Variants in CTPS2 observed in about 807,000 individuals in gnomAD.
The protein encoded by CTPS2 is CTP synthase 2.
A neutral mutation model predicts 46.8 loss-of-function variants in CTPS2; 19 were observed. The ratio of observed to expected loss-of-function variants is 0.41; its 90% CI spans 0.28 to 0.60. CTPS2 has a LOEUF of 0.60. CTPS2 is among the 20% of genes least tolerant of loss of function. The probability of loss-of-function intolerance (pLI) is 0.35; values close to 1 mark genes in which losing one functional copy is unlikely to be tolerated. For synonymous variants in CTPS2, 151 were observed against 165.2 expected (o/e 0.91, Z 0.66); for missense variants, 286 against 447.6 (o/e 0.64, Z 3.26).
chrX:16,702,683 G>C (rs1229572897), intron 2 of CTPS2, 54 bp downstream of exon 2: 1 of 1,082,648 alleles, frequency 9.2e-7, no homozygotes, highest in Non-Finnish European at 1.3e-6. Context: ...CAAAATGGAA[G>C]AAAGAATGCA....
At chrX:16,654,342 T>C (rs1166353172) in intron 13 of CTPS2, 1 of 763,607 alleles carries the variant, frequency 1.3e-6, no homozygotes, top group African/African-American at 2.1e-5. Context: ...TCTGAGAATG[T>C]GTAGCAGTAA....
At chrX:16,641,466 G>A (rs1339403164) in intron 13 of CTPS2, among the ~76,000 whole-genome samples, 1 of 112,774 alleles carries the variant, frequency 8.9e-6, no homozygotes, top group Non-Finnish European at 1.9e-5. Flanking sequence ...AAGAACAGGA[G>A]GCCAGGTGCA....
intron 17 of CTPS2, among the ~76,000 whole-genome samples, chrX:16,594,636 G>A (rs1349729035): frequency 1.8e-5 from 2 of 111,739 alleles, no homozygotes; most frequent in East Asian, 2.8e-4. Context: ...GGACTTGGGC[G>A]GGCCTGTTTC....
At chrX:16,696,443 A>T (rs191082150) in intron 4 of CTPS2, among the ~76,000 whole-genome samples, 42 of 112,205 alleles carry the variant, frequency 3.7e-4, no homozygotes, top group Admixed American at 1.8e-3. Context: ...GTCAGATCAC[A>T]CTCAACCTCA....
At chrX:16,665,443 GAAAC>G (rs969387365) in intron 13 of CTPS2, among the ~76,000 whole-genome samples, 3 of 112,506 alleles carry the variant, frequency 2.7e-5, no homozygotes, top group African/African-American at 9.7e-5. Flanking sequence ...GCAATAAAAA[GAAAC>G]AAAGTACTGA....
At chrX:16,603,434 A>AATAG (rs1357320600) in intron 17 of CTPS2, among the ~76,000 whole-genome samples, 1 of 107,693 alleles carries the variant, frequency 9.3e-6, no homozygotes, top group East Asian at 2.9e-4. Flanking sequence ...TAAATAAATA[A>AATAG]ATAAATAAAT....
rs753974293 is a variant in CTPS2, at chrX:16,588,851, C to T, written c.*966G>A. ...TTAATTCTATGTTACGTGAATTTCACGTCGATTAAAAAATATATATACAGG... is the reference window on the plus strand; with the variant it reads ...TTAATTCTATGTTACGTGAATTTCATGTCGATTAAAAAATATATATACAGG... On this transcript the variant is annotated 3_prime_UTR_variant, in exon 19 of 19. Transcript: ENST00000359276. 1 of 111,772 alleles carries T rather than the reference C, an allele frequency of 8.9e-6. No individual in the cohort carries two copies. Among genetic ancestry groups the T allele is most frequent in the Non-Finnish European group, 1.9e-5 (1 of 53,205 alleles). The allele number at this position is 111,772 out of a possible 1,213,427, so 9.2% of individuals were successfully genotyped here.
chrX:16,663,763 G>A (rs944986789), intron 13 of CTPS2, among the ~76,000 whole-genome samples: 12 of 111,681 alleles, frequency 1.1e-4, no homozygotes, highest in Non-Finnish European at 1.1e-4. Flanking sequence ...CCGAAGTGAG[G>A]TGGGGGCAAA....
At chrX:16,656,656 C>T (rs778120961) in intron 13 of CTPS2, among the ~76,000 whole-genome samples, 13 of 111,716 alleles carry the variant, frequency 1.2e-4, no homozygotes, top group Non-Finnish European at 1.7e-4. Context: ...CCTTGTGATC[C>T]GCTCGTCTCG....
intron 14 of CTPS2, among the ~76,000 whole-genome samples, chrX:16,636,117 A>G: frequency 8.9e-6 from 1 of 112,337 alleles, no homozygotes; most frequent in Non-Finnish European, 1.9e-5. Context: ...GAAAGGAGAC[A>G]GACCAGGCAT....
chrX:16,666,345 G>A (rs901355305), intron 13 of CTPS2, among the ~76,000 whole-genome samples: 3 of 111,782 alleles, frequency 2.7e-5, no homozygotes, highest in Non-Finnish European at 5.6e-5. Context: ...GAAGTTGTTG[G>A]TAACTGAGTT....
chrX:16,662,354 G>A (rs1340426944), intron 13 of CTPS2, among the ~76,000 whole-genome samples: 4 of 111,667 alleles, frequency 3.6e-5, no homozygotes, highest in Non-Finnish European at 7.5e-5. Context: ...GGCACTCTGA[G>A]ACGCAGAAAG....
intron 15 of CTPS2, among the ~76,000 whole-genome samples, chrX:16,619,183 G>T (rs1032108509): frequency 1.8e-5 from 2 of 111,931 alleles, no homozygotes; most frequent in Admixed American, 9.5e-5. Flanking sequence ...TGATTCCCAC[G>T]AGTCCTCCTT....
chrX:16,592,040 C>T (rs185045782), intron 17 of CTPS2, among the ~76,000 whole-genome samples: 1 of 110,915 alleles, frequency 9.0e-6, no homozygotes, highest in East Asian at 2.8e-4. Context: ...TCCCATAATA[C>T]TTACATTAAA....
Position 16,684,813 on chromosome X carries a change from G to A in CTPS2, c.873-1587C>T, listed in dbSNP as rs777866102. 4.5e-5 allele frequency among the ~76,000 whole-genome samples: 5 copies of A among 111,859 alleles called. No individual in the cohort carries two copies. In the South Asian group the frequency reaches 1.8e-3, roughly 41 times the overall value. On this transcript the variant is annotated intron_variant, in intron 8 of 18. Coordinates refer to ENST00000359276, the MANE Select transcript of CTPS2 (RefSeq NM_175859.3). ...CCATAAAGTATGCAGGTAACGGGCC[G>A]GGCGTGGTGACTCATGCCTGTAATC... is the stretch of plus-strand genomic sequence containing the variant.
intron 10 of CTPS2, among the ~76,000 whole-genome samples, chrX:16,671,505 C>CTTT (rs11323776): frequency 2.1e-4 from 10 of 48,059 alleles, no homozygotes; most frequent in Non-Finnish European, 3.3e-4. Flanking sequence ...TAACATTTTT[C>CTTT]TTTTTTTTTT....
chrX:16,601,528 T>C (rs183796966), intron 17 of CTPS2, among the ~76,000 whole-genome samples: 53 of 97,754 alleles, frequency 5.4e-4, no homozygotes, highest in African/African-American at 1.2e-3. Context: ...AGCTGTTCCA[T>C]ATGGATTTGT....
intron 13 of CTPS2, among the ~76,000 whole-genome samples, chrX:16,658,431 C>T (rs1932871080): frequency 8.9e-6 from 1 of 112,285 alleles, no homozygotes; most frequent in Non-Finnish European, 1.9e-5. Flanking sequence ...ATTTAGATTG[C>T]TGTCATTTCC....
At chrX:16,653,929 G>A (rs746501509) in intron 13 of CTPS2, among the ~76,000 whole-genome samples, 3 of 110,822 alleles carry the variant, frequency 2.7e-5, no homozygotes, top group Non-Finnish European at 3.8e-5. Flanking sequence ...TAGGGTGGTC[G>A]GAAGGATTAC....
Sources: allele counts gnomAD v4.1 joint callset (sites outside exome capture counted in the v4.1 genomes callset), GRCh38; gene constraint gnomAD v4.1.1; transcripts MANE v1.5; gene names NCBI Gene and HGNC (gene_info 2026-07-23, HGNC 2026-07-21).